SUPT3H: variants seen among roughly 807,000 people sequenced by gnomAD.
SUPT3H encodes the protein SPT3 homolog, SAGA and STAGA complex component.
Under a neutral mutation model 44.3 loss-of-function variants are expected in SUPT3H, and 44 were observed. That is an observed-to-expected ratio of 0.99 (90% CI 0.78 to 1.28). The LOEUF (loss-of-function observed/expected upper bound fraction) is 1.28. Ranked by LOEUF, SUPT3H falls within the 50% of genes most tolerant of loss-of-function variation. The pLI is 0.00. For synonymous variants in SUPT3H, 124 were observed against 125.6 expected, an observed-to-expected ratio of 0.99 and a Z score of 0.09; for missense variants, 380 against 387.1, an observed-to-expected ratio of 0.98 and a Z score of 0.15.
At chr6:44,842,991 C>T (rs1486872154) in intron 10 of SUPT3H, among the ~76,000 whole-genome samples, 1 of 151,488 alleles carries the variant, frequency 6.6e-6, no homozygotes, top group Non-Finnish European at 1.5e-5. Flanking sequence ...TTGTGGCTAC[C>T]CAAATGTCCA....
intron 6 of SUPT3H, among the ~76,000 whole-genome samples, chr6:44,973,553 C>T (rs1349186751): frequency 2.2e-4 from 34 of 152,290 alleles, no homozygotes; most frequent in Admixed American, 2.2e-3. Context: ...TCTGAGGCCT[C>T]CAAACTGTTC....
chr6:45,059,985 AG>A (rs1791731802), intron 3 of SUPT3H, among the ~76,000 whole-genome samples: 2 of 152,196 alleles, frequency 1.3e-5, no homozygotes, highest in Non-Finnish European at 1.5e-5. Context: ...GCTCATAGAT[AG>A]GAAGAATCAA....
At chr6:45,150,912 C>T (rs1806867931) in intron 2 of SUPT3H, among the ~76,000 whole-genome samples, 1 of 151,804 alleles carries the variant, frequency 6.6e-6, no homozygotes, top group African/African-American at 2.4e-5. Flanking sequence ...TTAGTAGAGA[C>T]AGGTTTCACC....
At chr6:45,045,327 C>A (rs1025277773) in intron 3 of SUPT3H, among the ~76,000 whole-genome samples, 3 of 152,116 alleles carry the variant, frequency 2.0e-5, no homozygotes, top group Non-Finnish European at 4.4e-5. Flanking sequence ...TGGGGGAACA[C>A]ACTGTCCTTC....
At chr6:45,253,870 T>TATATATATATATATATATAC (rs1438133089) in intron 2 of SUPT3H, among the ~76,000 whole-genome samples, 1 of 140,644 alleles carries the variant, frequency 7.1e-6, no homozygotes. Context: ...TATATATATA[T>TATATATATATATATATATAC]ATACACACAC....
intron 10 of SUPT3H, among the ~76,000 whole-genome samples, chr6:44,891,594 T>C (rs961980202): frequency 9.2e-5 from 14 of 151,816 alleles, no homozygotes; most frequent in African/African-American, 3.4e-4. Flanking sequence ...GGGATTGGGG[T>C]TGGGGAGGAA....
chr6:45,320,982 C>G (rs1403933471), intron 2 of SUPT3H, among the ~76,000 whole-genome samples: 1 of 151,986 alleles, frequency 6.6e-6, no homozygotes, highest in East Asian at 1.9e-4. Context: ...ATTCCAGAAG[C>G]ATATAGCTAA....
At chr6:44,923,326 T>C (rs536382504) in intron 10 of SUPT3H, among the ~76,000 whole-genome samples, 11 of 152,222 alleles carry the variant, frequency 7.2e-5, no homozygotes, top group African/African-American at 9.6e-5. Flanking sequence ...TCCTGAAAAT[T>C]CTAGGATTCT....
chr6:45,180,672 A>G (rs1812983669), intron 2 of SUPT3H, among the ~76,000 whole-genome samples: 1 of 152,156 alleles, frequency 6.6e-6, no homozygotes, highest in Admixed American at 6.6e-5. Flanking sequence ...CATATGTAGA[A>G]AGCTGAAACT....
At chr6:45,358,865 G>C (rs1402410763) in intron 2 of SUPT3H, among the ~76,000 whole-genome samples, 8 of 152,056 alleles carry the variant, frequency 5.3e-5, no homozygotes, top group Non-Finnish European at 1.2e-4. Flanking sequence ...ATCAATTACA[G>C]CATGGATCTA....
chr6:45,065,044 G>T (rs962244845), intron 3 of SUPT3H, among the ~76,000 whole-genome samples: 7 of 150,632 alleles, frequency 4.6e-5, no homozygotes, highest in African/African-American at 1.7e-4. Flanking sequence ...TTCCAAAATT[G>T]ACCACATACT....
intron 10 of SUPT3H, among the ~76,000 whole-genome samples, chr6:44,888,329 C>T (rs1435198926): frequency 1.3e-5 from 2 of 152,072 alleles, no homozygotes; most frequent in African/African-American, 4.8e-5. Flanking sequence ...GAATTTTAGA[C>T]CAATATCCTT....
chr6:44,835,318 A>C lies in SUPT3H; in HGVS notation c.913-5461T>G, dbSNP rs57402190. 6.3e-3 allele frequency among the ~76,000 whole-genome samples: 957 copies of C among 152,252 alleles called. 11 individuals are homozygous for C. The highest frequency in any genetic ancestry group is 0.02 in the African/African-American group (845 of 41,536). ...GCATACATTCACCCTCTCCCAAACTACTGTTAACTCCTAATTAACTAAGTA... is the reference window on the plus strand; with the variant it reads ...GCATACATTCACCCTCTCCCAAACTCCTGTTAACTCCTAATTAACTAAGTA... On this transcript the variant is annotated intron_variant, in intron 10 of 10. Transcript: ENST00000371459.
At chr6:45,154,660 T>C (rs909794381) in intron 2 of SUPT3H, among the ~76,000 whole-genome samples, 1 of 152,206 alleles carries the variant, frequency 6.6e-6, no homozygotes, top group East Asian at 1.9e-4. Flanking sequence ...TCCCAGGCCA[T>C]TGTTCTTCAG....
intron 2 of SUPT3H, among the ~76,000 whole-genome samples, chr6:45,258,867 C>A (rs1166306932): frequency 6.6e-6 from 1 of 152,096 alleles, no homozygotes; most frequent in Non-Finnish European, 1.5e-5. Context: ...TTCAAAGTAT[C>A]CCTTCCAATA....
At chr6:45,020,695 G>T in intron 3 of SUPT3H, 63 bp from the exon 4 acceptor site, 1 of 1,189,158 alleles carries the variant, frequency 8.4e-7, no homozygotes, top group Admixed American at 1.9e-5. Flanking sequence ...GTACAGTCAT[G>T]ATGTCTCTAA....
rs556741280 is a variant in SUPT3H, at chr6:45,313,980, G to T, written c.101+51221C>A. On this transcript the variant is annotated intron_variant, in intron 2 of 10. Coordinates refer to ENST00000371459, the MANE Select transcript of SUPT3H (RefSeq NM_003599.4). ...GGTTTCATACCAGGGATGCAGGGATGGTTTAACATATGCAAGTCAATAAAT... is the reference window on the plus strand; with the variant it reads ...GGTTTCATACCAGGGATGCAGGGATTGTTTAACATATGCAAGTCAATAAAT... 1.9e-3 allele frequency among the ~76,000 whole-genome samples: 291 copies of T among 152,162 alleles called. 1 individual carries two copies. The highest frequency in any genetic ancestry group is 6.3e-3 in the African/African-American group (261 of 41,510).
intron 9 of SUPT3H, among the ~76,000 whole-genome samples, chr6:44,940,799 TTTA>T (rs1371948685): frequency 6.6e-6 from 1 of 152,154 alleles, no homozygotes; most frequent in African/African-American, 2.4e-5. Flanking sequence ...AACTGATTCC[TTTA>T]TTATTATGTA....
intron 2 of SUPT3H, among the ~76,000 whole-genome samples, chr6:45,331,889 A>G (rs1014907264): frequency 6.6e-6 from 1 of 152,042 alleles, no homozygotes; most frequent in Admixed American, 6.6e-5. Context: ...CAGTCATGCT[A>G]AAGTTAAATT....
Sources: allele counts gnomAD v4.1 joint callset (sites outside exome capture counted in the v4.1 genomes callset), GRCh38; gene constraint gnomAD v4.1.1; transcripts MANE v1.5; gene names NCBI Gene and HGNC (gene_info 2026-07-23, HGNC 2026-07-21).